The following CTNND2 variants were observed in gnomAD, a reference collection of about 807,000 sequenced individuals.
CTNND2 encodes the protein catenin delta 2.
In CTNND2, 22 loss-of-function variants were observed where a neutral mutation model predicts 144.4. That is an observed-to-expected ratio of 0.15 (90% CI 0.11 to 0.22). The LOEUF (loss-of-function observed/expected upper bound fraction) is 0.22. Among genes scored for constraint, CTNND2 ranks in the 10% least tolerant of loss-of-function variants. The pLI is 1.00. For synonymous variants in CTNND2, 751 were observed against 695.6 expected, an observed-to-expected ratio of 1.08 and a Z score of -1.25; for missense variants, 1,353 against 1,618.8, an observed-to-expected ratio of 0.84 and a Z score of 2.82.
chr5:10,994,402 AACG>A (rs1470293302), intron 18 of CTNND2, among the ~76,000 whole-genome samples: 1 of 16,466 alleles, frequency 6.1e-5, no homozygotes, highest in Non-Finnish European at 1.1e-4. Context: ...GGGGGCGGGG[AACG>A]AGGAACGGGG....
chr5:11,556,599 T>C (rs979227014), intron 3 of CTNND2, among the ~76,000 whole-genome samples: 4 of 152,182 alleles, frequency 2.6e-5, no homozygotes, highest in Non-Finnish European at 5.9e-5. Flanking sequence ...TTTTTGCATA[T>C]GTGGAAAAGA....
At chr5:11,439,992 A>C (rs1445633134) in intron 3 of CTNND2, among the ~76,000 whole-genome samples, 1 of 151,958 alleles carries the variant, frequency 6.6e-6, no homozygotes, top group Non-Finnish European at 1.5e-5. Context: ...GACATTTCTT[A>C]AGAGAGATGA....
At chr5:11,283,867 C>T (rs1329168525) in intron 9 of CTNND2, among the ~76,000 whole-genome samples, 1 of 152,016 alleles carries the variant, frequency 6.6e-6, no homozygotes, top group Admixed American at 6.6e-5. Flanking sequence ...AAAGTAATTC[C>T]TTAAGTTAAA....
intron 2 of CTNND2, among the ~76,000 whole-genome samples, chr5:11,661,673 A>G (rs73743014): frequency 0.012 from 1,795 of 152,216 alleles, 27 homozygotes; most frequent in African/African-American, 0.042. Context: ...CAACTGCTTT[A>G]TTTGGGTTTA....
chr5:11,549,399 T>C (rs528236720), intron 3 of CTNND2, among the ~76,000 whole-genome samples: 59 of 152,180 alleles, frequency 3.9e-4, no homozygotes, highest in Non-Finnish European at 7.9e-4. Flanking sequence ...GAGCAGAGGA[T>C]AGCACAAACT....
intron 16 of CTNND2, among the ~76,000 whole-genome samples, chr5:11,054,405 C>T (rs1746145857): frequency 6.6e-6 from 1 of 152,134 alleles, no homozygotes; most frequent in Admixed American, 6.5e-5. Context: ...ATGCCCAACA[C>T]TTAGCCAGAA....
At chr5:11,057,576 G>T (rs1746467241) in intron 16 of CTNND2, among the ~76,000 whole-genome samples, 1 of 152,084 alleles carries the variant, frequency 6.6e-6, no homozygotes, top group African/African-American at 2.4e-5. Context: ...TTTGTAAATT[G>T]CCCAGTCTTG....
intron 1 of CTNND2, among the ~76,000 whole-genome samples, chr5:11,899,028 C>T (rs1165624429): frequency 6.6e-6 from 1 of 152,168 alleles, no homozygotes; most frequent in Non-Finnish European, 1.5e-5. Context: ...TTCACTGAAG[C>T]TCTTAAGAGT....
intron 3 of CTNND2, among the ~76,000 whole-genome samples, chr5:11,422,636 A>T (rs1328851734): frequency 8.0e-6 from 1 of 124,264 alleles, no homozygotes; most frequent in Non-Finnish European, 1.5e-5. Context: ...AACCAGGGAG[A>T]ATTCACATTA....
chr5:11,606,644 C>A (rs762822958), intron 2 of CTNND2, among the ~76,000 whole-genome samples: 2 of 152,268 alleles, frequency 1.3e-5, no homozygotes, highest in African/African-American at 4.8e-5. Flanking sequence ...AAGTTTGCAA[C>A]TGAATGAAGA....
intron 8 of CTNND2, among the ~76,000 whole-genome samples, chr5:11,351,992 A>C (rs187846888): frequency 5.1e-4 from 78 of 152,342 alleles, no homozygotes; most frequent in African/African-American, 1.7e-3. Context: ...CATATATCCA[A>C]GAGTGTCATC....
At chr5:11,330,111 G>A (rs1237197156) in intron 9 of CTNND2, among the ~76,000 whole-genome samples, 1 of 152,014 alleles carries the variant, frequency 6.6e-6, no homozygotes, top group East Asian at 1.9e-4. Context: ...TACGTTGCCT[G>A]TGTTGCCTTG....
intron 14 of CTNND2, among the ~76,000 whole-genome samples, chr5:11,109,880 T>C (rs1752784293): frequency 6.6e-6 from 1 of 152,228 alleles, no homozygotes; most frequent in Non-Finnish European, 1.5e-5. Flanking sequence ...CAAATAGCAT[T>C]TTGTATTTGC....
At position 11,384,884 on chromosome 5, in the gene CTNND2, C is replaced by CGATGTTGAT. The variant is rs753645178; in HGVS notation, c.949_957dup (p.Ile317_Ile319dup). ...GGGGACAGGCCGGCCGAGGACACGA[C>CGATGTTGAT]GATGTTGATGGGCGAGCTGGTGCTG... On this transcript the variant is annotated inframe_insertion, in exon 7 of 22. Transcript: ENST00000304623. The surrounding 1 kb of genome is among the most constrained non-coding windows in gnomAD (Gnocchi z 5.2). The CGATGTTGAT allele has an allele frequency of 1.2e-6, 2 of 1,611,462 alleles. No individual in the cohort carries two copies. The highest frequency in any genetic ancestry group is 1.7e-6 in the Non-Finnish European group (2 of 1,179,268).
chr5:11,107,333 T>C (rs561185654), intron 14 of CTNND2, among the ~76,000 whole-genome samples: 66 of 152,360 alleles, frequency 4.3e-4, no homozygotes, highest in African/African-American at 1.5e-3. Context: ...AAATCTCCAT[T>C]GTGGTCATTT....
At chr5:11,128,529 G>C (rs1754917199) in intron 12 of CTNND2, among the ~76,000 whole-genome samples, 1 of 150,490 alleles carries the variant, frequency 6.6e-6, no homozygotes. Context: ...ACAGCAGCAA[G>C]AGGAAACTCA....
chr5:11,827,004 C>T (rs1032522928), intron 1 of CTNND2, among the ~76,000 whole-genome samples: 2 of 151,932 alleles, frequency 1.3e-5, no homozygotes, highest in Admixed American at 1.3e-4. Context: ...AAACATTCCA[C>T]ACAAAAATAG....
chr5:11,013,884 C>T (rs887334567), intron 18 of CTNND2, among the ~76,000 whole-genome samples: 1 of 152,304 alleles, frequency 6.6e-6, no homozygotes, highest in East Asian at 1.9e-4. Context: ...TTCTGTGCCA[C>T]TTGCCCTCCC....
intron 2 of CTNND2, among the ~76,000 whole-genome samples, chr5:11,580,151 C>G (rs993851655): frequency 6.6e-6 from 1 of 152,020 alleles, no homozygotes; most frequent in Admixed American, 6.6e-5. Flanking sequence ...GCAATGTCCT[C>G]CTTCTTTTCC....
Sources: gnomAD v4.1 joint callset for allele counts (sites outside exome capture counted in the v4.1 genomes callset) on GRCh38, gnomAD v4.1.1 for gene constraint, Gnocchi (gnomAD v3.1) non-coding constraint, MANE v1.5 for transcripts, NCBI Gene and HGNC (gene_info 2026-07-23, HGNC 2026-07-21) for gene names.